The following SCP2 variants were observed in gnomAD, a reference collection of about 807,000 sequenced individuals.
SCP2 encodes SCP-2/3-oxoacyl-CoA thiolase.
Under a neutral mutation model 71.4 loss-of-function variants are expected in SCP2, and 48 were observed. The observed-to-expected ratio is 0.67, with a 90% confidence interval of 0.53 to 0.86. SCP2 has a LOEUF of 0.86. Ranked by LOEUF, SCP2 falls within the 40% of genes least tolerant of loss-of-function variation. The pLI, the probability that SCP2 is intolerant of heterozygous loss-of-function variation, is 0.00. For synonymous variants in SCP2, 220 were observed against 218.1 expected (o/e 1.01, Z -0.08); for missense variants, 560 against 655.6 (o/e 0.85, Z 1.59).
In SCP2 at chr1:52,941,790, C is replaced by G; in HGVS notation, c.70-6C>G. The G allele has an allele frequency of 6.3e-7, 1 of 1,575,240 alleles. No homozygotes were observed. Among genetic ancestry groups the G allele is most frequent in the Non-Finnish European group, 8.7e-7 (1 of 1,145,052 alleles). On this transcript the variant is annotated splice_region_variant and splice_polypyrimidine_tract_variant and intron_variant, in intron 1 of 15. Transcript: ENST00000371514. ...TTGTATTTATTATCTCTTTCTATAT[C>G]TCTAGTTTGTGAAGCCTGGAGCTGA...
chr1:52,976,316 G>C (rs1431271050), intron 7 of SCP2, among the ~76,000 whole-genome samples: 4 of 151,972 alleles, frequency 2.6e-5, no homozygotes, highest in Non-Finnish European at 5.9e-5. Flanking sequence ...TGGCTCAAAA[G>C]TCTCAACTCT....
chr1:53,000,746 C>T (rs559826088), intron 11 of SCP2, among the ~76,000 whole-genome samples: 59 of 152,258 alleles, frequency 3.9e-4, no homozygotes, highest in Non-Finnish European at 7.5e-4. Flanking sequence ...CGCTTGAGCT[C>T]AGGAGTTCGA....
rs148149082 is a variant in SCP2 at position 52,998,136 on chromosome 1, C to T, written c.1081+10000C>T. Among the ~76,000 whole-genome samples the T allele has an allele frequency of 6.4e-3, 974 of 152,218 alleles. 4 individuals carry two copies. The highest frequency in any genetic ancestry group is 0.011 in the Admixed American group (173 of 15,284). On this transcript the variant is annotated intron_variant, in intron 11 of 15. Coordinates refer to ENST00000371514, the MANE Select transcript of SCP2 (RefSeq NM_002979.5). ...GTTGAAATATATCAGTTTGCTTATC[C>T]ATTGTCCTGTGGATGGATATTTGAA...
chr1:52,955,875 T>G (rs1655748450), intron 5 of SCP2, among the ~76,000 whole-genome samples: 1 of 151,730 alleles, frequency 6.6e-6, no homozygotes, highest in Admixed American at 6.6e-5. Context: ...ATTTATTGGA[T>G]GCAGATTTAA....
At chr1:52,964,998 G>A (rs1405499768) in intron 6 of SCP2, among the ~76,000 whole-genome samples, 2 of 151,698 alleles carry the variant, frequency 1.3e-5, no homozygotes, top group Admixed American at 6.6e-5. Context: ...GCAACAGAGC[G>A]AGACTCCATC....
chr1:52,952,417 A>G (rs1287683286), intron 4 of SCP2, among the ~76,000 whole-genome samples: 1 of 152,106 alleles, frequency 6.6e-6, no homozygotes, highest in Non-Finnish European at 1.5e-5. Context: ...AGTAGAAATG[A>G]GGTCTTGCTA....
chr1:53,018,038 A>T (rs776277881), intron 12 of SCP2, among the ~76,000 whole-genome samples: 1 of 152,090 alleles, frequency 6.6e-6, no homozygotes, highest in Non-Finnish European at 1.5e-5. Flanking sequence ...TATTTGTAGT[A>T]AAGACAGGGT....
In SCP2 at chr1:52,954,871, A is replaced by T. The variant is rs1359011945; in HGVS notation, c.396+67A>T. On this transcript the variant is annotated intron_variant, in intron 5 of 15. Coordinates refer to ENST00000371514, the MANE Select transcript of SCP2 (RefSeq NM_002979.5). ...ACCCAAAAGTTGAAAGGTGATACTTACATGTATGCATAGATCTTGGTATTT... is the reference window on the plus strand; with the variant it reads ...ACCCAAAAGTTGAAAGGTGATACTTTCATGTATGCATAGATCTTGGTATTT... 1.6e-5 allele frequency: 17 copies of T among 1,058,526 alleles called. No individual in the cohort carries two copies. The Admixed American group carries it at 2.9e-4, about 18-fold the overall frequency. The allele number at this position is 1,058,526 out of a possible 1,614,324, so 65.6% of individuals were successfully genotyped here. A position where few individuals can be genotyped will look rare whatever the true frequency, so the allele number is the denominator to read the frequency against.
intron 14 of SCP2, among the ~76,000 whole-genome samples, chr1:53,046,515 C>T (rs939535484): frequency 7.9e-5 from 12 of 151,928 alleles, no homozygotes; most frequent in African/African-American, 2.4e-4. Context: ...TATATTGGAT[C>T]GTCTAACCTT....
intron 10 of SCP2, among the ~76,000 whole-genome samples, chr1:52,982,644 G>A (rs767594883): frequency 1.8e-4 from 27 of 152,228 alleles, no homozygotes; most frequent in Admixed American, 9.8e-4. Flanking sequence ...CTCCTTAAGC[G>A]TCTCCTTTGA....
intron 11 of SCP2, chr1:52,993,537 C>T: frequency 6.2e-7 from 1 of 1,612,338 alleles, no homozygotes; most frequent in Non-Finnish European, 8.5e-7. Flanking sequence ...ACTGAAAAGA[C>T]CAACAGGAAG....
chr1:52,990,384 A>G (rs969005161), intron 11 of SCP2, among the ~76,000 whole-genome samples: 13 of 152,180 alleles, frequency 8.5e-5, no homozygotes, highest in African/African-American at 3.1e-4. Context: ...TACTAGACAA[A>G]GACTTTAACT....
At chr1:52,970,928 G>A (rs1304858332) in intron 6 of SCP2, among the ~76,000 whole-genome samples, 1 of 140,536 alleles carries the variant, frequency 7.1e-6, no homozygotes, top group Non-Finnish European at 1.5e-5. Flanking sequence ...ATTTTTTCTG[G>A]TTATTCTGTA....
At position 52,954,883 on chromosome 1, in the gene SCP2, A is replaced by G. The variant is rs75463479; in HGVS notation, c.396+79A>G. 4,488 of 992,208 alleles carry G rather than the reference A, an allele frequency of 4.5e-3. 12 individuals carry two copies. The highest frequency in any genetic ancestry group is 6.1e-3 in the Non-Finnish European group (3,741 of 613,206). 61.5% of individuals were successfully genotyped at this position (992,208 alleles called of 1,614,324 possible). A position where few individuals can be genotyped will look rare whatever the true frequency, so the allele number is the denominator to read the frequency against. On this transcript the variant is annotated intron_variant, in intron 5 of 15. Coordinates refer to ENST00000371514, the MANE Select transcript of SCP2 (RefSeq NM_002979.5). ...AAAGGTGATACTTACATGTATGCATAGATCTTGGTATTTTAGAATAGTGAA... is the reference window on the plus strand; with the variant it reads ...AAAGGTGATACTTACATGTATGCATGGATCTTGGTATTTTAGAATAGTGAA...
At position 53,047,894 on chromosome 1, in the gene SCP2, C is replaced by G. The variant is rs1178916535; in HGVS notation, c.1505C>G (p.Ser502Ter). ...GACTGCACAATCACAATGGCTGACT[C>G]AGACTTCCTGGCTTTAATGACTGGT... The part of the protein sequence containing the change: ...KADCTITMAD[S>*]DFLALMTGKM... Residue 502 changes from serine to a stop codon, truncating the protein, a stop_gained, in exon 15 of 16, where the codon TCA becomes TGA. Transcript: ENST00000371514. LOFTEE classifies it high-confidence loss of function. The G allele has an allele frequency of 2.5e-6, 4 of 1,613,666 alleles. No homozygotes were observed. The highest frequency in any genetic ancestry group is 2.2e-5 in the East Asian group (1 of 44,884).
chr1:53,030,209 A>G (rs74890304), intron 13 of SCP2, among the ~76,000 whole-genome samples: 2,864 of 152,198 alleles, frequency 0.019, 99 homozygotes, highest in African/African-American at 0.065. Context: ...TTTTTAATAC[A>G]TAGTATGTAT....
intron 12 of SCP2, 85 bp downstream of exon 12, chr1:53,015,128 T>C: frequency 1.5e-6 from 2 of 1,293,050 alleles, no homozygotes; most frequent in Non-Finnish European, 2.2e-6. Context: ...AAATTTCTTA[T>C]TTTATTGTCT....
chr1:53,050,320 C>T, intron 15 of SCP2: 1 of 306,820 alleles, frequency 3.3e-6, no homozygotes, highest in Non-Finnish European at 6.2e-6. Flanking sequence ...AAAACATAAT[C>T]AGTGTAGTAT....
In SCP2 at chr1:52,954,733, C is replaced by T. The variant is rs756478140; in HGVS notation, c.332-7C>T. 17 of 1,611,734 alleles carry T rather than the reference C, an allele frequency of 1.1e-5. No individual in the cohort carries two copies. In the South Asian group the frequency reaches 1.9e-4, roughly 18 times the overall value. ...GAATTTTCAAAATAATTACGTTTTC[C>T]TTTAAGGTGTGGCAGAATGTGTCTT... On this transcript the variant is annotated splice_region_variant and splice_polypyrimidine_tract_variant and intron_variant, in intron 4 of 15. Coordinates refer to ENST00000371514, the MANE Select transcript of SCP2 (RefSeq NM_002979.5).
Sources: allele counts gnomAD v4.1 joint callset (sites outside exome capture counted in the v4.1 genomes callset), GRCh38; gene constraint gnomAD v4.1.1; transcripts MANE v1.5; gene names NCBI Gene and HGNC (gene_info 2026-07-23, HGNC 2026-07-21).